The following PRKN variants were observed in gnomAD, a reference collection of about 807,000 sequenced individuals.
PRKN encodes parkin RBR E3 ubiquitin protein ligase.
In PRKN, 56 loss-of-function variants were observed where a neutral mutation model predicts 59.5. The ratio of observed to expected loss-of-function variants is 0.94; its 90% CI spans 0.76 to 1.18. The LOEUF (loss-of-function observed/expected upper bound fraction) is 1.18, where lower values mean the gene tolerates loss of function less well. Among genes scored for constraint, PRKN ranks in the 50% most tolerant of loss-of-function variants. PRKN has a pLI of 0.00. For synonymous variants in PRKN, 250 were observed against 222.1 expected (o/e 1.13, Z -1.12); for missense variants, 657 against 596.4 (o/e 1.10, Z -1.06).
At chr6:162,510,457 A>G (rs531591068) in intron 1 of PRKN, among the ~76,000 whole-genome samples, 1 of 152,284 alleles carries the variant, frequency 6.6e-6, no homozygotes, top group South Asian at 2.1e-4. Context: ...CTTGGCATGC[A>G]GCCCTTGTTT....
chr6:161,412,770 TTCAC>T (rs1787644976), intron 9 of PRKN, among the ~76,000 whole-genome samples: 1 of 150,704 alleles, frequency 6.6e-6, no homozygotes, highest in African/African-American at 2.5e-5. Flanking sequence ...CACTCATTCC[TTCAC>T]TCACTCATTC....
chr6:161,915,969 A>T (rs936456456), intron 6 of PRKN, among the ~76,000 whole-genome samples: 5 of 152,200 alleles, frequency 3.3e-5, no homozygotes, highest in African/African-American at 1.2e-4. Context: ...ATGACTAAAC[A>T]ACCATTGATA....
At chr6:161,631,252 C>A (rs1313346728) in intron 7 of PRKN, among the ~76,000 whole-genome samples, 2 of 152,196 alleles carry the variant, frequency 1.3e-5, no homozygotes, top group Non-Finnish European at 2.9e-5. Flanking sequence ...TTCTGAGAAA[C>A]AGTTTTCTGA....
chr6:161,606,138 T>A (rs1188213316), intron 7 of PRKN, among the ~76,000 whole-genome samples: 3 of 152,210 alleles, frequency 2.0e-5, no homozygotes, highest in African/African-American at 7.2e-5. Flanking sequence ...AAAAACATTT[T>A]AGGGAAAATG....
At chr6:162,071,348 C>G (rs1778566867) in intron 4 of PRKN, among the ~76,000 whole-genome samples, 1 of 151,556 alleles carries the variant, frequency 6.6e-6, no homozygotes. Flanking sequence ...TTTGATTTTC[C>G]TTTATTGTTA....
intron 1 of PRKN, among the ~76,000 whole-genome samples, chr6:162,529,033 C>A (rs772904960): frequency 4.6e-5 from 7 of 152,142 alleles, no homozygotes; most frequent in South Asian, 4.2e-4. Flanking sequence ...ACCATCACAC[C>A]GAGCTAATTT....
intron 1 of PRKN, among the ~76,000 whole-genome samples, chr6:162,652,293 G>C (rs1778473898): frequency 6.6e-6 from 1 of 152,178 alleles, no homozygotes; most frequent in Admixed American, 6.6e-5. Context: ...CCAGCTGACT[G>C]ATATGTCATA....
intron 4 of PRKN, among the ~76,000 whole-genome samples, chr6:162,199,812 A>G (rs934761173): frequency 6.6e-6 from 1 of 152,134 alleles, no homozygotes; most frequent in African/African-American, 2.4e-5. Flanking sequence ...GCCTGAGAAG[A>G]TGGATCCATG....
At chr6:161,778,961 T>C (rs1376684928) in intron 7 of PRKN, among the ~76,000 whole-genome samples, 1 of 152,242 alleles carries the variant, frequency 6.6e-6, no homozygotes. Context: ...TATTTATTTT[T>C]TGAGACTGAG....
At chr6:162,690,143 C>T (rs1777722968) in intron 1 of PRKN, among the ~76,000 whole-genome samples, 1 of 44,410 alleles carries the variant, frequency 2.3e-5, no homozygotes, top group Admixed American at 2.7e-4. Flanking sequence ...ACAAATTAAG[C>T]CTCTGATTTC....
chr6:162,094,075 G>A (rs1443256488), intron 4 of PRKN, among the ~76,000 whole-genome samples: 1 of 152,138 alleles, frequency 6.6e-6, no homozygotes, highest in East Asian at 1.9e-4. Context: ...GTCTGAGCGA[G>A]GCAGCACGTC....
chr6:162,450,650 T>A (rs1790581988), intron 1 of PRKN, among the ~76,000 whole-genome samples: 1 of 152,082 alleles, frequency 6.6e-6, no homozygotes, highest in African/African-American at 2.4e-5. Context: ...CACGAAAACA[T>A]CGCACAAAAC....
intron 9 of PRKN, among the ~76,000 whole-genome samples, chr6:161,528,749 T>G (rs371246501): frequency 7.2e-5 from 11 of 152,282 alleles, no homozygotes; most frequent in African/African-American, 2.6e-4. Flanking sequence ...TAAAAGGAAT[T>G]AAACACTGCC....
At chr6:162,303,259 C>T (rs1782047648) in intron 2 of PRKN, among the ~76,000 whole-genome samples, 1 of 152,142 alleles carries the variant, frequency 6.6e-6, no homozygotes, top group South Asian at 2.1e-4. Context: ...CATGTTAATT[C>T]CTGCCATTGA....
intron 1 of PRKN, among the ~76,000 whole-genome samples, chr6:162,550,967 A>G (rs1779310974): frequency 6.6e-6 from 1 of 152,160 alleles, no homozygotes; most frequent in Admixed American, 6.6e-5. Context: ...CACCTGACAG[A>G]TCTCTAGGAT....
chr6:162,709,290 T>C lies in PRKN; in HGVS notation c.7+18372A>G, dbSNP rs527936760. ...CTCCTCGCCCTGATCCATGGAAAAA[T>C]TGTCTTATGAAACCGATCCCTGGTG... On this transcript the variant is annotated intron_variant, in intron 1 of 11. Coordinates refer to ENST00000366898, the MANE Select transcript of PRKN (RefSeq NM_004562.3). Among the ~76,000 whole-genome samples the C allele has an allele frequency of 3.3e-5, 5 of 152,056 alleles. No individual in the cohort carries two copies. The East Asian group carries it at 7.7e-4, about 24-fold the overall frequency.
chr6:162,312,994 C>A (rs1172109345), intron 2 of PRKN, among the ~76,000 whole-genome samples: 2 of 151,888 alleles, frequency 1.3e-5, no homozygotes, highest in South Asian at 4.2e-4. Context: ...CACATATATA[C>A]CTTAAAAATA....
chr6:162,417,428 C>T (rs1788687428), intron 2 of PRKN, among the ~76,000 whole-genome samples: 1 of 152,202 alleles, frequency 6.6e-6, no homozygotes, highest in South Asian at 2.1e-4. Flanking sequence ...CTCACACCAT[C>T]ACATGCTGGC....
At chr6:161,880,415 T>G (rs1421482762) in intron 6 of PRKN, among the ~76,000 whole-genome samples, 1 of 152,228 alleles carries the variant, frequency 6.6e-6, no homozygotes, top group Non-Finnish European at 1.5e-5. Context: ...ATCTTCATTT[T>G]AGGAAATGTA....
Sources: allele counts gnomAD v4.1 joint callset (sites outside exome capture counted in the v4.1 genomes callset), GRCh38; gene constraint gnomAD v4.1.1; transcripts MANE v1.5; gene names NCBI Gene and HGNC (gene_info 2026-07-23, HGNC 2026-07-21).